ZNF713: variants seen among roughly 807,000 people sequenced by gnomAD.
ZNF713 encodes zinc finger protein 713.
A neutral mutation model predicts 28.7 loss-of-function variants in ZNF713; 21 were observed. That is an observed-to-expected ratio of 0.73 (90% CI 0.52 to 1.05). The LOEUF (loss-of-function observed/expected upper bound fraction) is 1.05, where lower values mean the gene tolerates loss of function less well. Ranked by LOEUF, ZNF713 falls within the 50% of genes least tolerant of loss-of-function variation. The pLI is 0.00. For missense variants in ZNF713, 458 were observed against 532.4 expected (o/e 0.86, Z 1.37); for synonymous variants, 167 against 178.0 (o/e 0.94, Z 0.49).
At chr7:55,927,692 T>A (rs1584315734) in intron 6 of ZNF713, among the ~76,000 whole-genome samples, 1 of 150,976 alleles carries the variant, frequency 6.6e-6, no homozygotes, top group East Asian at 1.9e-4. Flanking sequence ...AGGTCAGGAG[T>A]TCAGGACCAG....
At chr7:55,935,601 T>A (rs1786329297) in intron 6 of ZNF713, among the ~76,000 whole-genome samples, 5 of 152,102 alleles carry the variant, frequency 3.3e-5, no homozygotes, top group Admixed American at 2.6e-4. Flanking sequence ...CACATCTCCA[T>A]GAGCATAGGA....
chr7:55,923,644 G>T lies in ZNF713; in HGVS notation c.252G>T (p.Leu84Phe). 1 of 1,611,436 alleles carries T rather than the reference G, an allele frequency of 6.2e-7. No homozygotes were observed. ...QLCKPEVIAQ[L>F]ELEEEWVIER... ...GTAAGCCAGAGGTAATCGCGCAGTT[G>T]GAGCTAGAGGAAGAATGGGTGATAG... The change falls in exon 6 of 7, where the codon TTG (leucine) becomes TTT (phenylalanine). Residue 84 changes from leucine (L) to phenylalanine (F), a missense_variant. Coordinates refer to ENST00000429591, the MANE Select transcript of ZNF713 (RefSeq NM_182633.3).
chr7:55,905,479 G>T (rs1391201834), intron 1 of ZNF713, among the ~76,000 whole-genome samples: 1 of 152,126 alleles, frequency 6.6e-6, no homozygotes, highest in Non-Finnish European at 1.5e-5. Context: ...ATCCATGGGG[G>T]TTCTGGAACC....
intron 6 of ZNF713, among the ~76,000 whole-genome samples, chr7:55,928,475 G>C (rs1786144689): frequency 6.6e-6 from 1 of 152,038 alleles, no homozygotes; most frequent in African/African-American, 2.4e-5. Flanking sequence ...GTGTAGAAGA[G>C]GTCAGAAAGA....
chr7:55,898,431 C>T (rs1008739124), intron 1 of ZNF713, among the ~76,000 whole-genome samples: 1 of 152,174 alleles, frequency 6.6e-6, no homozygotes, highest in Non-Finnish European at 1.5e-5. Flanking sequence ...GATTCCTGTA[C>T]AGGCTGTACA....
chr7:55,889,294 G>A (rs1785335676), intron 1 of ZNF713, among the ~76,000 whole-genome samples: 1 of 152,070 alleles, frequency 6.6e-6, no homozygotes, highest in African/African-American at 2.4e-5. Context: ...TAGAGACGGA[G>A]TTTCATCATA....
At position 55,940,497 on chromosome 7, in the gene ZNF713, T is replaced by C. The variant is rs1786445193; in HGVS notation, c.*491T>C. The C allele has an allele frequency of 1.0e-6, 1 of 982,902 alleles. No homozygotes were observed. The highest frequency in any genetic ancestry group is 6.2e-5 in the Admixed American group (1 of 16,240). 60.9% of individuals were successfully genotyped at this position (982,902 alleles called of 1,614,324 possible). ...CAGCATATTACATTCCCAGGAGGGG[T>C]TATAAAAAGAAAAAATAATTTATTT... On this transcript the variant is annotated 3_prime_UTR_variant, in exon 7 of 7. Coordinates refer to ENST00000429591, the MANE Select transcript of ZNF713 (RefSeq NM_182633.3).
intron 6 of ZNF713, among the ~76,000 whole-genome samples, chr7:55,933,994 C>G (rs1786294369): frequency 6.6e-6 from 1 of 152,172 alleles, no homozygotes; most frequent in South Asian, 2.1e-4. Flanking sequence ...CAAGAGCCAC[C>G]ATACCGAGCC....
intron 6 of ZNF713, among the ~76,000 whole-genome samples, chr7:55,937,242 A>C (rs1462030050): frequency 2.0e-5 from 3 of 152,158 alleles, no homozygotes; most frequent in African/African-American, 4.8e-5. Flanking sequence ...AAGAGGTTGC[A>C]GGGAGCCAAG....
At chr7:55,910,329 G>A (rs1286451320) in intron 2 of ZNF713, among the ~76,000 whole-genome samples, 3 of 152,116 alleles carry the variant, frequency 2.0e-5, no homozygotes, top group African/African-American at 7.2e-5. Flanking sequence ...CTGGTACTAT[G>A]TTGAATAGTA....
intron 6 of ZNF713, among the ~76,000 whole-genome samples, chr7:55,933,851 C>T (rs1055634409): frequency 4.6e-5 from 7 of 151,980 alleles, no homozygotes; most frequent in Non-Finnish European, 5.9e-5. Flanking sequence ...ACTATAGGTG[C>T]GCACCATCAC....
At chr7:55,910,759 G>C (rs1785769976) in intron 2 of ZNF713, among the ~76,000 whole-genome samples, 2 of 152,294 alleles carry the variant, frequency 1.3e-5, no homozygotes, top group African/African-American at 2.4e-5. Flanking sequence ...GCCTCCCAAA[G>C]TGCTGGGATT....
chr7:55,888,136 A>G (rs965617437), intron 1 of ZNF713, among the ~76,000 whole-genome samples: 1 of 152,092 alleles, frequency 6.6e-6, no homozygotes, highest in Non-Finnish European at 1.5e-5. Context: ...GTTTTTCCTC[A>G]TCTCAGGATT....
intron 6 of ZNF713, among the ~76,000 whole-genome samples, chr7:55,926,867 A>C (rs554774194): frequency 6.6e-6 from 1 of 152,310 alleles, no homozygotes; most frequent in East Asian, 1.9e-4. Context: ...ACAGTGGCTC[A>C]TGGCTCATGC....
intron 1 of ZNF713, among the ~76,000 whole-genome samples, chr7:55,890,529 A>G (rs186392894): frequency 6.6e-6 from 1 of 152,134 alleles, no homozygotes; most frequent in African/African-American, 2.4e-5. Context: ...ACTTCAACAT[A>G]CTAATTTGTG....
chr7:55,907,355 T>C (rs1584303404), intron 2 of ZNF713, among the ~76,000 whole-genome samples: 3 of 152,330 alleles, frequency 2.0e-5, no homozygotes, highest in African/African-American at 7.2e-5. Flanking sequence ...TTCATGTATT[T>C]AAATATTAGG....
At chr7:55,930,036 C>A (rs1786180138) in intron 6 of ZNF713, among the ~76,000 whole-genome samples, 2 of 151,914 alleles carry the variant, frequency 1.3e-5, no homozygotes, top group South Asian at 4.2e-4. Context: ...TAATAAGAGG[C>A]CAACAGCCCA....
At chr7:55,890,074 G>T (rs1785350775) in intron 1 of ZNF713, among the ~76,000 whole-genome samples, 1 of 152,142 alleles carries the variant, frequency 6.6e-6, no homozygotes, top group East Asian at 1.9e-4. Flanking sequence ...CTTTGCACTG[G>T]GTGCATGCAT....
chr7:55,926,283 C>T (rs4948087), intron 6 of ZNF713, among the ~76,000 whole-genome samples: 6,203 of 152,298 alleles, frequency 0.041, 155 homozygotes, highest in Admixed American at 0.059. Flanking sequence ...GCACTCCAGC[C>T]TGGGCAACAG....
Sources: allele counts gnomAD v4.1 joint callset (sites outside exome capture counted in the v4.1 genomes callset), GRCh38; gene constraint gnomAD v4.1.1; transcripts MANE v1.5; gene names NCBI Gene and HGNC (gene_info 2026-07-23, HGNC 2026-07-21).